ARMC9: variants seen among roughly 807,000 people sequenced by gnomAD.
ARMC9 encodes the protein armadillo repeat containing 9, also known as lisH domain-containing protein ARMC9.
Under a neutral mutation model 107.0 loss-of-function variants are expected in ARMC9, and 94 were observed. That is an observed-to-expected ratio of 0.88 (90% confidence interval 0.74 to 1.04). The LOEUF is 1.04. ARMC9 is among the 50% of genes least tolerant of loss of function. The probability of loss-of-function intolerance (pLI) is 0.00; values close to 1 mark genes in which losing one functional copy is unlikely to be tolerated. For missense variants in ARMC9, 942 were observed against 1,030.1 expected (o/e 0.91, Z 1.17); for synonymous variants, 380 against 396.9 (o/e 0.96, Z 0.51).
chr2:231,320,391 C>T (rs1212389962), intron 19 of ARMC9, among the ~76,000 whole-genome samples: 3 of 152,222 alleles, frequency 2.0e-5, no homozygotes, highest in Non-Finnish European at 4.4e-5. Context: ...TGCTCCCCAT[C>T]ACTTGGCACA....
intron 7 of ARMC9, among the ~76,000 whole-genome samples, chr2:231,232,911 C>T (rs1022652452): frequency 4.6e-5 from 7 of 152,050 alleles, no homozygotes; most frequent in Non-Finnish European, 7.4e-5. Flanking sequence ...AGTGCAGTGG[C>T]GTGATCTCAG....
intron 7 of ARMC9, among the ~76,000 whole-genome samples, chr2:231,227,491 T>C (rs913808040): frequency 6.6e-6 from 1 of 152,194 alleles, no homozygotes; most frequent in African/African-American, 2.4e-5. Context: ...AACCCTCAGT[T>C]CCCAGTAGGT....
intron 3 of ARMC9, among the ~76,000 whole-genome samples, chr2:231,214,556 G>A (rs2033277744): frequency 6.6e-6 from 1 of 152,200 alleles, no homozygotes. Context: ...CTGGCCCCAA[G>A]TCTTTGTTCT....
chr2:231,341,403 A>G lies in ARMC9; in HGVS notation c.1879-3572A>G, dbSNP rs143170652. 1.9e-3 allele frequency among the ~76,000 whole-genome samples: 291 copies of G among 152,278 alleles called. 1 individual carries two copies. The highest frequency in any genetic ancestry group is 6.6e-3 in the African/African-American group (275 of 41,568). On this transcript the variant is annotated intron_variant, in intron 20 of 24. Coordinates refer to ENST00000611582, the MANE Select transcript of ARMC9 (RefSeq NM_001352754.2). The stretch of plus-strand genomic sequence containing the variant: ...CCCTACAGTGCTTTCCTGAAGCTCC[A>G]CTTGGTGACCTCCACTTAACTAACT...
intron 3 of ARMC9, among the ~76,000 whole-genome samples, chr2:231,212,957 T>C (rs16827863): frequency 0.32 from 47,926 of 152,040 alleles, 8,377 homozygotes; most frequent in African/African-American, 0.47. Flanking sequence ...AGTTCTTGAT[T>C]ACATGACATA....
At chr2:231,368,467 A>T (rs1272338102) in intron 23 of ARMC9, among the ~76,000 whole-genome samples, 1 of 152,204 alleles carries the variant, frequency 6.6e-6, no homozygotes, top group African/African-American at 2.4e-5. Context: ...TGTAAATGCT[A>T]ACGACAGGCT....
intron 16 of ARMC9, among the ~76,000 whole-genome samples, chr2:231,279,851 T>C (rs1308401886): frequency 6.6e-6 from 1 of 152,146 alleles, no homozygotes; most frequent in African/African-American, 2.4e-5. Flanking sequence ...ATTCTGGTCA[T>C]TCCATTCACA....
rs1231097842 is a variant in ARMC9, at chr2:231,222,751, G to A, written c.528G>A (p.Lys176=). Residue 176 remains lysine, a synonymous_variant, in exon 6 of 25, where the codon AAG becomes AAA. Coordinates refer to ENST00000611582, the MANE Select transcript of ARMC9 (RefSeq NM_001352754.2). ...AGGATTCCTGGACTCCAGAGTTAAAGTTGAAGTTGATAAAGTTTCTAGCTT... is the reference window on the plus strand; with the variant it reads ...AGGATTCCTGGACTCCAGAGTTAAAATTGAAGTTGATAAAGTTTCTAGCTT... ...LFQDSWTPEL[K]LKLIKFLALI... 2 of 1,579,630 alleles carry A rather than the reference G, an allele frequency of 1.3e-6. No individual in the cohort carries two copies. Among genetic ancestry groups the A allele is most frequent in the Non-Finnish European group, 8.7e-7 (1 of 1,151,272 alleles).
At chr2:231,326,710 A>T (rs73994568) in intron 19 of ARMC9, among the ~76,000 whole-genome samples, 2 of 152,332 alleles carry the variant, frequency 1.3e-5, no homozygotes, top group African/African-American at 4.8e-5. Flanking sequence ...CCTGCCTTCC[A>T]GGCCCAGGAG....
At chr2:231,308,809 G>A (rs2042176710) in intron 19 of ARMC9, among the ~76,000 whole-genome samples, 1 of 152,184 alleles carries the variant, frequency 6.6e-6, no homozygotes, top group South Asian at 2.1e-4. Flanking sequence ...CTGTGAGATT[G>A]TGGACCCACT....
intron 19 of ARMC9, among the ~76,000 whole-genome samples, chr2:231,326,653 C>T (rs1449535514): frequency 6.6e-6 from 1 of 152,174 alleles, no homozygotes; most frequent in Non-Finnish European, 1.5e-5. Flanking sequence ...CCAGCGCAGC[C>T]CTAGGACAGG....
At chr2:231,238,043 G>T (rs1169101162) in intron 8 of ARMC9, among the ~76,000 whole-genome samples, 1 of 151,798 alleles carries the variant, frequency 6.6e-6, no homozygotes, top group African/African-American at 2.4e-5. Context: ...CACTGGTTGT[G>T]AGCTTTGCCA....
At chr2:231,242,561 T>C (rs1428697679) in intron 9 of ARMC9, among the ~76,000 whole-genome samples, 1 of 152,180 alleles carries the variant, frequency 6.6e-6, no homozygotes, top group Non-Finnish European at 1.5e-5. Flanking sequence ...GCTGACCCTC[T>C]GTCCACTGTC....
At chr2:231,212,189 A>G (rs776352033) in intron 3 of ARMC9, among the ~76,000 whole-genome samples, 37 of 152,192 alleles carry the variant, frequency 2.4e-4, no homozygotes, top group Admixed American at 2.2e-3. Context: ...ACAAGTTACT[A>G]TTGATGGTGT....
chr2:231,328,154 A>G (rs914038175), intron 19 of ARMC9, among the ~76,000 whole-genome samples: 2 of 152,166 alleles, frequency 1.3e-5, no homozygotes, highest in African/African-American at 4.8e-5. Context: ...CTTAATGGCT[A>G]ATGATATTGA....
In ARMC9 at chr2:231,213,400, G is replaced by A. The variant is rs1217185607; in HGVS notation, c.178-1431G>A. Among the ~76,000 whole-genome samples the A allele has an allele frequency of 5.3e-5, 8 of 151,520 alleles. No individual in the cohort carries two copies. The East Asian group carries it at 1.5e-3, about 29-fold the overall frequency. On this transcript the variant is annotated intron_variant, in intron 3 of 24. Transcript: ENST00000611582. ...GCTCGTCTTGAGCTCCTGGGCAAAC[G>A]ATCTGCCCACTTTGGCCTTCCAAAG...
intron 8 of ARMC9, among the ~76,000 whole-genome samples, chr2:231,238,298 G>T (rs567191844): frequency 1.3e-5 from 2 of 152,246 alleles, no homozygotes; most frequent in East Asian, 3.9e-4. Flanking sequence ...TAGTTGTAGG[G>T]AAGGAATAAG....
At chr2:231,260,657 G>A (rs1253956534) in intron 11 of ARMC9, among the ~76,000 whole-genome samples, 5 of 152,132 alleles carry the variant, frequency 3.3e-5, no homozygotes, top group African/African-American at 4.8e-5. Flanking sequence ...GACTAGAGTG[G>A]GTGGGGCAGC....
At chr2:231,283,860 G>A (rs1452685421) in intron 17 of ARMC9, among the ~76,000 whole-genome samples, 1 of 152,154 alleles carries the variant, frequency 6.6e-6, no homozygotes, top group Non-Finnish European at 1.5e-5. Flanking sequence ...AGCTTATCCA[G>A]TAGCTGGGAC....
Sources: gnomAD v4.1 joint callset for allele counts (sites outside exome capture counted in the v4.1 genomes callset) on GRCh38, gnomAD v4.1.1 for gene constraint, MANE v1.5 for transcripts, NCBI Gene and HGNC (gene_info 2026-07-23, HGNC 2026-07-21) for gene names.